RNF150: variants seen among roughly 807,000 people sequenced by gnomAD.
The protein encoded by RNF150 is ring finger protein 150.
RNF150 carries 24 observed loss-of-function variants against 39.3 expected under a neutral mutation model. The ratio of observed to expected loss-of-function variants is 0.61; its 90% confidence interval spans 0.44 to 0.86. The LOEUF (loss-of-function observed/expected upper bound fraction) is 0.86, where lower values mean the gene tolerates loss of function less well. Among genes scored for constraint, RNF150 ranks in the 40% least tolerant of loss-of-function variants. The probability of loss-of-function intolerance (pLI) is 0.00; values close to 1 mark genes in which losing one functional copy is unlikely to be tolerated. For missense variants in RNF150, 502 were observed against 587.8 expected (o/e 0.85, Z 1.51); for synonymous variants, 255 against 227.3 (o/e 1.12, Z -1.10).
At chr4:141,079,747 C>T (rs79422837) in intron 1 of RNF150, among the ~76,000 whole-genome samples, 2,127 of 152,310 alleles carry the variant, frequency 0.014, 51 homozygotes, top group African/African-American at 0.045. Context: ...CTAGTAACAC[C>T]TCCTAGCAGA....
At chr4:141,044,204 TATA>T (rs751119685) in intron 1 of RNF150, among the ~76,000 whole-genome samples, 3 of 152,198 alleles carry the variant, frequency 2.0e-5, no homozygotes, top group Non-Finnish European at 4.4e-5. Flanking sequence ...CACATACACA[TATA>T]ATGTTAGCTA....
chr4:141,123,978 T>A (rs1726685002), intron 1 of RNF150, among the ~76,000 whole-genome samples: 1 of 152,148 alleles, frequency 6.6e-6, no homozygotes, highest in Non-Finnish European at 1.5e-5. Flanking sequence ...TGGTTCCAAG[T>A]CTTTGCTATT....
At chr4:140,923,891 T>A (rs7686712) in intron 5 of RNF150, among the ~76,000 whole-genome samples, 83,709 of 151,510 alleles carry the variant, frequency 0.55, 23,591 homozygotes, top group East Asian at 0.89. Context: ...AAACACAGCA[T>A]GTTCTCACTC....
intron 1 of RNF150, among the ~76,000 whole-genome samples, chr4:141,033,169 T>G (rs1736014928): frequency 6.6e-6 from 1 of 152,224 alleles, no homozygotes; most frequent in South Asian, 2.1e-4. Flanking sequence ...CTCTCAAGTC[T>G]TTCCACTGCT....
At position 140,967,633 on chromosome 4, in the gene RNF150, T is replaced by C. The variant is rs1733295926; in HGVS notation, c.725A>G (p.Asp242Gly). The change falls in exon 2 of 7, where the codon GAT (aspartate) becomes GGT (glycine). Residue 242 changes from aspartate (D) to glycine (G), a missense_variant. Physicochemically the swap from Asp to Gly is moderately conservative, Grantham distance 94. Coordinates refer to ENST00000515673, the MANE Select transcript of RNF150 (RefSeq NM_020724.2). ...IQRFRYANAR[D>G]RNQRRLGDAA... is the part of the protein sequence containing the mutation. ...CTTTTTGCTACTCACCTGGTTCCTA[T>C]CCCTGGCATTTGCATATCGAAACCT... 15 of 1,608,394 alleles carry C rather than the reference T, an allele frequency of 9.3e-6. No individual in the cohort carries two copies. The East Asian group carries it at 3.1e-4, about 34-fold the overall frequency.
chr4:140,939,606 TTGTGTGTGTGTGTGTGTG>T (rs142516967), intron 4 of RNF150, among the ~76,000 whole-genome samples: 4,984 of 138,512 alleles, frequency 0.036, 105 homozygotes, highest in African/African-American at 0.06. Flanking sequence ...CAAGTGGAGT[TTGTGTGTGTGTGTGTGTG>T]TGTGTGTGTG....
intron 4 of RNF150, among the ~76,000 whole-genome samples, chr4:140,942,914 G>A (rs912889286): frequency 6.6e-6 from 1 of 152,156 alleles, no homozygotes; most frequent in African/African-American, 2.4e-5. Context: ...AGGACATGCT[G>A]CCCCTACGCG....
chr4:141,174,195 A>T (rs1430414693), intron 1 of RNF150, among the ~76,000 whole-genome samples: 1 of 152,206 alleles, frequency 6.6e-6, no homozygotes, highest in African/African-American at 2.4e-5. Context: ...TGGGCAAAAA[A>T]TGTGCATAAA....
intron 1 of RNF150, among the ~76,000 whole-genome samples, chr4:140,992,990 C>T (rs929931228): frequency 6.6e-6 from 1 of 152,010 alleles, no homozygotes; most frequent in Non-Finnish European, 1.5e-5. Context: ...CCAGGATCCA[C>T]AGGAGAGGAC....
intron 1 of RNF150, among the ~76,000 whole-genome samples, chr4:141,158,268 G>A (rs896289710): frequency 6.6e-6 from 1 of 152,188 alleles, no homozygotes; most frequent in African/African-American, 2.4e-5. Flanking sequence ...TCCAGCCTGA[G>A]TGACAGAGCA....
chr4:140,922,184 T>C (rs987137057), intron 5 of RNF150, among the ~76,000 whole-genome samples: 1 of 151,576 alleles, frequency 6.6e-6, no homozygotes, highest in African/African-American at 2.4e-5. Flanking sequence ...AAATTGTCCC[T>C]GTTTGCAGAT....
chr4:141,080,764 T>G (rs1404518072), intron 1 of RNF150, among the ~76,000 whole-genome samples: 1 of 152,134 alleles, frequency 6.6e-6, no homozygotes, highest in African/African-American at 2.4e-5. Context: ...CAAGACAGAA[T>G]GACAGTAATT....
intron 6 of RNF150, among the ~76,000 whole-genome samples, chr4:140,907,687 T>G (rs1254543416): frequency 1.3e-5 from 2 of 152,216 alleles, no homozygotes; most frequent in East Asian, 3.8e-4. Context: ...CTGTGTTAAT[T>G]TTTCCCCCTG....
At chr4:140,995,279 C>A (rs1445776566) in intron 1 of RNF150, among the ~76,000 whole-genome samples, 1 of 152,178 alleles carries the variant, frequency 6.6e-6, no homozygotes, top group South Asian at 2.1e-4. Context: ...GTGTTAGCAG[C>A]TTTTGTTGAA....
chr4:141,074,549 C>T (rs1737823863), intron 1 of RNF150, among the ~76,000 whole-genome samples: 1 of 151,974 alleles, frequency 6.6e-6, no homozygotes, highest in Non-Finnish European at 1.5e-5. Flanking sequence ...TTCTACCACC[C>T]CTAGAGGACT....
intron 1 of RNF150, among the ~76,000 whole-genome samples, chr4:141,201,531 CA>C (rs35029605): frequency 0.29 from 43,746 of 151,666 alleles, 6,677 homozygotes; most frequent in African/African-American, 0.39. Flanking sequence ...CAAGGGTTTA[CA>C]AAGAAATTTT....
At chr4:141,202,468 A>T (rs1728306236) in intron 1 of RNF150, among the ~76,000 whole-genome samples, 1 of 152,134 alleles carries the variant, frequency 6.6e-6, no homozygotes, top group Admixed American at 6.6e-5. Context: ...TCTTATAGAC[A>T]CTTTTATCCA....
chr4:141,035,615 C>A (rs1335790765), intron 1 of RNF150, among the ~76,000 whole-genome samples: 4 of 152,108 alleles, frequency 2.6e-5, no homozygotes, highest in Non-Finnish European at 4.4e-5. Context: ...TCATTAATAA[C>A]CCTGCTGAAG....
intron 1 of RNF150, among the ~76,000 whole-genome samples, chr4:140,981,130 A>G (rs1048757053): frequency 6.6e-6 from 1 of 152,116 alleles, no homozygotes; most frequent in Admixed American, 6.6e-5. Flanking sequence ...AGTTTTCCCT[A>G]TAGTAAGATG....
Sources: gnomAD v4.1 joint callset for allele counts (sites outside exome capture counted in the v4.1 genomes callset) on GRCh38, gnomAD v4.1.1 for gene constraint, MANE v1.5 for transcripts, NCBI Gene and HGNC (gene_info 2026-07-23, HGNC 2026-07-21) for gene names.